Variants in FCHSD2 observed in about 807,000 individuals in gnomAD.
FCHSD2 encodes F-BAR and double SH3 domains protein 2.
A neutral mutation model predicts 108.1 loss-of-function variants in FCHSD2; 38 were observed. That is an observed-to-expected ratio of 0.35 (90% CI 0.27 to 0.46). FCHSD2 has a LOEUF of 0.46. FCHSD2 is among the 20% of genes least tolerant of loss of function. The probability of loss-of-function intolerance (pLI) is 1.00; values close to 1 mark genes in which losing one functional copy is unlikely to be tolerated. For missense variants in FCHSD2, 751 were observed against 897.8 expected (o/e 0.84, Z 2.09); for synonymous variants, 279 against 314.7 (o/e 0.89, Z 1.20).
chr11:73,028,345 CTATTTAA>C (rs1180701769), intron 3 of FCHSD2, among the ~76,000 whole-genome samples: 1 of 152,218 alleles, frequency 6.6e-6, no homozygotes, highest in Admixed American at 6.5e-5. Context: ...GGAGCTTTTA[CTATTTAA>C]TAACTGCCCT....
At chr11:73,088,569 G>A (rs1859879511) in intron 2 of FCHSD2, among the ~76,000 whole-genome samples, 1 of 151,464 alleles carries the variant, frequency 6.6e-6, no homozygotes, top group African/African-American at 2.4e-5. Context: ...CATAATTTCT[G>A]GTGTTTTAGT....
At chr11:72,904,918 TTC>T (rs1855597385) in intron 9 of FCHSD2, among the ~76,000 whole-genome samples, 1 of 152,230 alleles carries the variant, frequency 6.6e-6, no homozygotes, top group Non-Finnish European at 1.5e-5. Context: ...CCTTGTAGTA[TTC>T]TGTTTCCAGT....
At chr11:73,082,281 G>C (rs1304468101) in intron 3 of FCHSD2, among the ~76,000 whole-genome samples, 2 of 132,422 alleles carry the variant, frequency 1.5e-5, no homozygotes, top group East Asian at 4.7e-4. Flanking sequence ...AAGTTGCAGT[G>C]AGCCGAGATC....
intron 2 of FCHSD2, among the ~76,000 whole-genome samples, chr11:73,104,847 C>A (rs1259291998): frequency 6.6e-6 from 1 of 152,124 alleles, no homozygotes; most frequent in Admixed American, 6.5e-5. Flanking sequence ...CCTGAGTCAC[C>A]GTGCCTGGCC....
intron 12 of FCHSD2, among the ~76,000 whole-genome samples, chr11:72,870,454 C>T (rs963347976): frequency 5.3e-5 from 8 of 151,778 alleles, no homozygotes; most frequent in Non-Finnish European, 8.8e-5. Flanking sequence ...ATAGGCTCTA[C>T]CAATTCTTTC....
At chr11:72,857,407 T>C (rs540007880) in intron 13 of FCHSD2, among the ~76,000 whole-genome samples, 1 of 150,616 alleles carries the variant, frequency 6.6e-6, no homozygotes, top group African/African-American at 2.4e-5. Flanking sequence ...ACGTTTACCC[T>C]TTCTTAGATG....
intron 3 of FCHSD2, 68 bp downstream of exon 3, chr11:73,083,627 A>C (rs1039451690): frequency 1.1e-6 from 1 of 946,612 alleles, no homozygotes; most frequent in Admixed American, 2.3e-5. Context: ...TCTCTCCAAA[A>C]ACCATCTCTG....
intron 8 of FCHSD2, among the ~76,000 whole-genome samples, chr11:72,959,578 G>A (rs551042342): frequency 6.6e-5 from 10 of 152,120 alleles, no homozygotes; most frequent in South Asian, 4.1e-4. Context: ...CTCTGAGACC[G>A]TCAATTTAGG....
chr11:73,079,015 G>A (rs1457748962), intron 3 of FCHSD2, among the ~76,000 whole-genome samples: 1 of 152,114 alleles, frequency 6.6e-6, no homozygotes, highest in Non-Finnish European at 1.5e-5. Flanking sequence ...TACCGCACCT[G>A]GCCTGCTGGT....
intron 10 of FCHSD2, among the ~76,000 whole-genome samples, chr11:72,890,788 C>G (rs561080298): frequency 1.3e-5 from 2 of 151,974 alleles, no homozygotes; most frequent in South Asian, 4.1e-4. Flanking sequence ...ATGTTACAAC[C>G]TTAATTGACC....
chr11:73,096,094 G>A (rs1355799290), intron 2 of FCHSD2, among the ~76,000 whole-genome samples: 2 of 151,958 alleles, frequency 1.3e-5, no homozygotes, highest in African/African-American at 4.8e-5. Flanking sequence ...AAGGAACGAG[G>A]TATCTAAACA....
chr11:73,130,090 G>T (rs1458560403), intron 2 of FCHSD2, among the ~76,000 whole-genome samples: 1 of 151,878 alleles, frequency 6.6e-6, no homozygotes, highest in African/African-American at 2.4e-5. Flanking sequence ...TAGCCAGGAT[G>T]GTCTCAATCT....
chr11:72,874,495 T>C (rs2135219450), intron 12 of FCHSD2, among the ~76,000 whole-genome samples: 1 of 152,344 alleles, frequency 6.6e-6, no homozygotes, highest in Non-Finnish European at 1.5e-5. Flanking sequence ...TGACCTCTAG[T>C]ATTCATTTTA....
At chr11:72,988,834 C>T (rs929359248) in intron 6 of FCHSD2, 130 bp downstream of exon 6, 3 of 626,522 alleles carry the variant, frequency 4.8e-6, no homozygotes, top group Non-Finnish European at 7.7e-6. Flanking sequence ...AAGTATATAA[C>T]ACATGTAGGT....
intron 2 of FCHSD2, among the ~76,000 whole-genome samples, chr11:73,131,623 G>C (rs537704909): frequency 6.6e-6 from 1 of 151,828 alleles, no homozygotes; most frequent in African/African-American, 2.4e-5. Context: ...AGGATCGCTT[G>C]AGTCTGGAAG....
chr11:73,141,883 TG>T lies in FCHSD2; in HGVS notation c.-7del. Reference sequence around the variant, plus strand: ...TTCCTCGGCGGCGGCTGCATGATGCTGAAGGGACATCAATCCTCCCCGACGG... The same window carrying T: ...TTCCTCGGCGGCGGCTGCATGATGCTAAGGGACATCAATCCTCCCCGACGG... On this transcript the variant is annotated 5_prime_UTR_variant, in exon 1 of 20. Transcript: ENST00000409418. The T allele has an allele frequency of 6.5e-7, 1 of 1,544,770 alleles. No homozygotes were observed. The highest frequency in any genetic ancestry group is 2.5e-5 in the East Asian group (1 of 40,420).
chr11:73,080,114 C>A (rs1859646620), intron 3 of FCHSD2, among the ~76,000 whole-genome samples: 1 of 151,780 alleles, frequency 6.6e-6, no homozygotes, highest in African/African-American at 2.4e-5. Flanking sequence ...GCCTGGGCAA[C>A]ATAGTAAGAC....
intron 12 of FCHSD2, among the ~76,000 whole-genome samples, chr11:72,885,314 T>A (rs534034368): frequency 6.6e-6 from 1 of 152,352 alleles, no homozygotes; most frequent in Admixed American, 6.5e-5. Context: ...TCTGCTACAA[T>A]GGTTTTAGCA....
At chr11:72,862,844 A>G (rs976774265) in intron 13 of FCHSD2, among the ~76,000 whole-genome samples, 5 of 152,234 alleles carry the variant, frequency 3.3e-5, no homozygotes, top group Admixed American at 1.3e-4. Flanking sequence ...TACAGTAATT[A>G]AGTCAGTGCA....
Sources: gnomAD v4.1 joint callset for allele counts (sites outside exome capture counted in the v4.1 genomes callset) on GRCh38, gnomAD v4.1.1 for gene constraint, MANE v1.5 for transcripts, NCBI Gene and HGNC (gene_info 2026-07-23, HGNC 2026-07-21) for gene names.